CPSF7: variants seen among roughly 807,000 people sequenced by gnomAD.
The protein encoded by CPSF7 is cleavage and polyadenylation specific factor 7, also known as cleavage and polyadenylation specificity factor subunit 7.
CPSF7 carries 1 observed loss-of-function variant against 44.3 expected under a neutral mutation model. The observed-to-expected ratio is 0.02, with a 90% CI of 0.01 to 0.11. CPSF7 has a LOEUF of 0.11. Among genes scored for constraint, CPSF7 ranks in the 10% least tolerant of loss-of-function variants. CPSF7 has a pLI of 1.00. For missense variants in CPSF7, 443 were observed against 607.2 expected (o/e 0.73, Z 2.84); for synonymous variants, 202 against 222.0 (o/e 0.91, Z 0.80).
rs1565102188 is a variant in CPSF7 at position 61,411,854 on chromosome 11, G to A, written c.1141C>T (p.Arg381Cys). ...TCCTTAAGAGAGGAGATGAGGACAC[G>A]GCAACGCTCATCATTGGCAACCCGG... ...QSRVANDERCRVLISSLKDCL... is the reference protein window; with the variant it reads ...QSRVANDERCCVLISSLKDCL... Residue 381 changes from arginine to cysteine, a missense_variant, in exon 8 of 10, where the codon CGT becomes TGT. Physicochemically the swap from Arg to Cys is radical, Grantham distance 180. Transcript: ENST00000439958. 2 of 1,613,698 alleles carry A rather than the reference G, an allele frequency of 1.2e-6. No homozygotes were observed. The highest frequency in any genetic ancestry group is 2.2e-5 in the East Asian group (1 of 44,898).
Position 61,420,104 on chromosome 11 carries a change from G to A in CPSF7, c.378-10C>T, listed in dbSNP as rs1273137257. ...CACCACCTCAGCATACCTTAGGAAA[G>A]AAAAATTAAAAATGAATGAAATCTG... On this transcript the variant is annotated splice_polypyrimidine_tract_variant and intron_variant, in intron 4 of 9. Transcript: ENST00000439958. The A allele has an allele frequency of 3.8e-6, 6 of 1,583,226 alleles. No homozygotes were observed. Among genetic ancestry groups the A allele is most frequent in the Non-Finnish European group, 5.2e-6 (6 of 1,164,828 alleles).
At chr11:61,427,655 G>GAAA (rs576742257) in intron 2 of CPSF7, among the ~76,000 whole-genome samples, 3 of 41,686 alleles carry the variant, frequency 7.2e-5, no homozygotes, top group Non-Finnish European at 1.1e-4. Context: ...TCTGTCTCAA[G>GAAA]AAAAAAAAAA....
intron 7 of CPSF7, 43 bp from the exon 8 acceptor site, chr11:61,411,980 G>A: frequency 1.9e-6 from 3 of 1,569,922 alleles, no homozygotes; most frequent in Non-Finnish European, 2.6e-6. Context: ...GAGGAGAGAT[G>A]GTAAACTAAC....
At chr11:61,409,634 TATTA>T (rs1258773136) in intron 9 of CPSF7, among the ~76,000 whole-genome samples, 1 of 150,672 alleles carries the variant, frequency 6.6e-6, no homozygotes. Flanking sequence ...GACTAAAGCA[TATTA>T]ATTTTCAAAA....
chr11:61,420,960 G>A (rs1354486191), intron 3 of CPSF7: 11 of 727,400 alleles, frequency 1.5e-5, no homozygotes, highest in Non-Finnish European at 2.1e-5. Context: ...CCCACCACCA[G>A]CCCCAAAACA....
intron 5 of CPSF7, 146 bp downstream of exon 5, chr11:61,419,803 T>C (rs1860696267): frequency 5.3e-6 from 5 of 943,914 alleles, no homozygotes; most frequent in East Asian, 4.9e-5. Flanking sequence ...TTGTCGACCA[T>C]GACACCACTC....
chr11:61,427,507 G>A (rs995306524), intron 2 of CPSF7, among the ~76,000 whole-genome samples: 2 of 151,944 alleles, frequency 1.3e-5, no homozygotes, highest in South Asian at 2.1e-4. Context: ...ACAAAAATTA[G>A]CCAGGTGAGG....
chr11:61,412,067 A>G, intron 7 of CPSF7, 130 bp from the exon 8 acceptor site: 1 of 688,846 alleles, frequency 1.5e-6, no homozygotes, highest in Non-Finnish European at 2.5e-6. Flanking sequence ...AAAAGAGACA[A>G]GGCAGATGTT....
chr11:61,409,520 A>C (rs1165845057), intron 9 of CPSF7, among the ~76,000 whole-genome samples: 1 of 152,150 alleles, frequency 6.6e-6, no homozygotes, highest in Non-Finnish European at 1.5e-5. Context: ...CCTTGTCACT[A>C]AGTCTTTTCC....
At chr11:61,429,587 C>T (rs1378720561) in intron 1 of CPSF7, 1 of 729,702 alleles carries the variant, frequency 1.4e-6, no homozygotes, top group Non-Finnish European at 2.2e-6. Flanking sequence ...GACGGCGTTG[C>T]GAAGAATGAC....
At chr11:61,422,955 A>G (rs1861022567) in intron 2 of CPSF7, among the ~76,000 whole-genome samples, 1 of 151,892 alleles carries the variant, frequency 6.6e-6, no homozygotes, top group Non-Finnish European at 1.5e-5. Context: ...CAACATGGTG[A>G]AACCCTATCT....
intron 9 of CPSF7, among the ~76,000 whole-genome samples, chr11:61,409,340 T>C (rs930054060): frequency 2.0e-5 from 3 of 151,294 alleles, no homozygotes; most frequent in Non-Finnish European, 4.4e-5. Context: ...GGCGTGGTGG[T>C]GGGCGCTTGT....
Position 61,410,833 on chromosome 11 carries a change from T to C in CPSF7, c.*5+105A>G, listed in dbSNP as rs1353630251. ...AGTTATGTAAATCAGAAGTTCCCCC[T>C]ACCCTTGCTGCATTTACTTTTGCTT... On this transcript the variant is annotated intron_variant, in intron 9 of 9. Transcript: ENST00000439958. The C allele has an allele frequency of 9.8e-6, 12 of 1,219,898 alleles. No individual in the cohort carries two copies. The Admixed American group carries it at 1.5e-4, about 15-fold the overall frequency. The allele number at this position is 1,219,898 out of a possible 1,614,324, so 75.6% of individuals were successfully genotyped here.
chr11:61,423,317 C>A (rs374961435), intron 2 of CPSF7, among the ~76,000 whole-genome samples: 1 of 151,638 alleles, frequency 6.6e-6, no homozygotes, highest in Non-Finnish European at 1.5e-5. Flanking sequence ...GGATTACAGG[C>A]ACACACCACC....
At chr11:61,422,828 A>T (rs746367244) in intron 2 of CPSF7, among the ~76,000 whole-genome samples, 29 of 152,244 alleles carry the variant, frequency 1.9e-4, no homozygotes, top group Non-Finnish European at 3.8e-4. Flanking sequence ...ACGATACAGG[A>T]CCTTAATGTT....
rs190140954 is a variant in CPSF7 at position 61,404,356 on chromosome 11, A to T, written c.*354T>A. Reference sequence around the variant, plus strand: ...TCTTTGGGAAGGAAGTCTTCCCATCAACCTCACCATTGAACGGCTCCCGGA... The same window carrying T: ...TCTTTGGGAAGGAAGTCTTCCCATCTACCTCACCATTGAACGGCTCCCGGA... On this transcript the variant is annotated 3_prime_UTR_variant, in exon 10 of 10. Coordinates refer to ENST00000439958, the MANE Select transcript of CPSF7 (RefSeq NM_001142565.3). 1.4e-3 allele frequency: 207 copies of T among 152,670 alleles called. No individual in the cohort carries two copies. Among genetic ancestry groups the T allele is most frequent in the African/African-American group, 4.8e-3 (199 of 41,540 alleles). The allele number at this position is 152,670 out of a possible 1,614,324, so 9.5% of individuals were successfully genotyped here.
At chr11:61,409,458 G>C (rs1035347592) in intron 9 of CPSF7, among the ~76,000 whole-genome samples, 5 of 152,026 alleles carry the variant, frequency 3.3e-5, no homozygotes. Flanking sequence ...GCAAGAGTGA[G>C]ACTCTGTCTC....
At chr11:61,412,171 C>T (rs1348106993) in intron 7 of CPSF7, among the ~76,000 whole-genome samples, 3 of 152,074 alleles carry the variant, frequency 2.0e-5, no homozygotes, top group African/African-American at 7.2e-5. Context: ...TGTCCAGGGG[C>T]TATTTGACAT....
At position 61,426,260 on chromosome 11, in the gene CPSF7, AAC is replaced by A. The variant is rs550814899; in HGVS notation, c.54+2920_54+2921del. ...CAGTAACATTCTTAAAACATTCTAA[AAC>A]ACAATTTGTACTGGGTGCCTTCAGA... On this transcript the variant is annotated intron_variant, in intron 2 of 9. Coordinates refer to ENST00000439958, the MANE Select transcript of CPSF7 (RefSeq NM_001142565.3). Among the ~76,000 whole-genome samples, 4 of 152,334 alleles carry A rather than the reference AAC, an allele frequency of 2.6e-5. No individual in the cohort carries two copies. The South Asian group carries it at 8.3e-4, about 32-fold the overall frequency.
Sources: gnomAD v4.1 joint callset for allele counts (sites outside exome capture counted in the v4.1 genomes callset) on GRCh38, gnomAD v4.1.1 for gene constraint, MANE v1.5 for transcripts, NCBI Gene and HGNC (gene_info 2026-07-23, HGNC 2026-07-21) for gene names.